Variants in SMURF2 observed in about 807,000 individuals in gnomAD.
SMURF2 encodes SMAD specific E3 ubiquitin protein ligase 2.
Under a neutral mutation model 109.6 loss-of-function variants are expected in SMURF2, and 48 were observed. The observed-to-expected ratio is 0.44, with a 90% CI of 0.35 to 0.56. SMURF2 has a LOEUF of 0.56. Among genes scored for constraint, SMURF2 ranks in the 20% least tolerant of loss-of-function variants. SMURF2 has a pLI of 0.01. For synonymous variants in SMURF2, 288 were observed against 317.1 expected (o/e 0.91, Z 0.97); for missense variants, 575 against 909.0 (o/e 0.63, Z 4.72).
At chr17:64,653,207 A>C (rs1479958959) in intron 1 of SMURF2, among the ~76,000 whole-genome samples, 1 of 152,184 alleles carries the variant, frequency 6.6e-6, no homozygotes, top group East Asian at 1.9e-4. Flanking sequence ...AAAACTCAAT[A>C]AGAAAACAAT....
chr17:64,604,955 A>G lies in SMURF2; in HGVS notation c.91+1647T>C, dbSNP rs543475146. Among the ~76,000 whole-genome samples, 6 of 151,794 alleles carry G rather than the reference A, an allele frequency of 4.0e-5. No homozygotes were observed. The East Asian group carries it at 1.2e-3, about 30-fold the overall frequency. ...TGAGACTCCGTCTAAAAAAAAAAAA[A>G]GGAAAAGTGCTCCCCTTACTTCCCT... On this transcript the variant is annotated intron_variant, in intron 2 of 18. Coordinates refer to ENST00000262435, the MANE Select transcript of SMURF2 (RefSeq NM_022739.4).
intron 16 of SMURF2, among the ~76,000 whole-genome samples, chr17:64,548,790 G>T (rs1337669944): frequency 6.6e-6 from 1 of 152,142 alleles, no homozygotes; most frequent in Non-Finnish European, 1.5e-5. Flanking sequence ...TCACACAGAT[G>T]AACTATATCC....
chr17:64,610,119 G>A (rs1312788585), intron 1 of SMURF2, among the ~76,000 whole-genome samples: 13 of 152,200 alleles, frequency 8.5e-5, no homozygotes, highest in African/African-American at 3.1e-4. Context: ...AGATGCTGGA[G>A]AGGATGTGGA....
chr17:64,558,762 T>G (rs910066124), intron 12 of SMURF2, among the ~76,000 whole-genome samples: 7 of 152,210 alleles, frequency 4.6e-5, no homozygotes, highest in Admixed American at 1.3e-4. Context: ...ACCTTCAAAT[T>G]TTTCAAAGTA....
At chr17:64,597,314 G>A (rs529201525) in intron 3 of SMURF2, among the ~76,000 whole-genome samples, 11 of 152,246 alleles carry the variant, frequency 7.2e-5, no homozygotes, top group African/African-American at 2.6e-4. Flanking sequence ...TGAGGAGGGT[G>A]AGGTGGGAGG....
In SMURF2 at chr17:64,546,355, TGTG is replaced by T. The variant is rs1251040790; in HGVS notation, c.2072-20_2072-18del. ...CTGCAGCACCTGCAAATGAAGGAAA[TGTG>T]GATGAAATCACTGCAGGTGCGTGCA... On this transcript the variant is annotated intron_variant, in intron 17 of 18. Transcript: ENST00000262435. 7 of 1,612,444 alleles carry T rather than the reference TGTG, an allele frequency of 4.3e-6. No individual in the cohort carries two copies. Among genetic ancestry groups the T allele is most frequent in the Admixed American group, 1.7e-5 (1 of 59,900 alleles).
chr17:64,639,263 C>A (rs782714478), intron 1 of SMURF2, among the ~76,000 whole-genome samples: 4 of 152,100 alleles, frequency 2.6e-5, no homozygotes, highest in Non-Finnish European at 4.4e-5. Context: ...CCCTCCCAGA[C>A]CCTCAGATTG....
rs781991004 is a variant in SMURF2 at position 64,557,738 on chromosome 17, T to C, written c.1317-16A>G. 4 of 1,487,066 alleles carry C rather than the reference T, an allele frequency of 2.7e-6. No individual in the cohort carries two copies. In the East Asian group the frequency reaches 6.8e-5, roughly 25 times the overall value. 92.1% of individuals were successfully genotyped at this position (1,487,066 alleles called of 1,614,324 possible). On this transcript the variant is annotated splice_polypyrimidine_tract_variant and intron_variant, in intron 12 of 18. Transcript: ENST00000262435. ...CAACCATTCCCTAGAAAACAAGATA[T>C]GACCAAGGAATTTTTTTGTTAATGT...
chr17:64,635,327 A>AAAATAAAT (rs557784291), intron 1 of SMURF2, among the ~76,000 whole-genome samples: 3 of 152,160 alleles, frequency 2.0e-5, no homozygotes, highest in African/African-American at 7.2e-5. Context: ...ACTAGGTCTC[A>AAAATAAAT]AAATAAATAA....
chr17:64,566,572 T>TG (rs1568176806), intron 10 of SMURF2, among the ~76,000 whole-genome samples: 15 of 94,050 alleles, frequency 1.6e-4, no homozygotes, highest in Admixed American at 4.5e-4. Context: ...TTTTTTTTTT[T>TG]TTTTTTTTTT....
Position 64,581,074 on chromosome 17 carries a change from TAAC to T in SMURF2, c.570-86_570-84del. The stretch of plus-strand genomic sequence containing the variant: ...TCTAGACAATATATATATACTGCAG[TAAC>T]AACCACTTATCATGTCTGAAAACAG... On this transcript the variant is annotated intron_variant, in intron 7 of 18. Transcript: ENST00000262435. This position sits in a 1 kb window ranked among gnomAD's most constrained non-coding sequence, Gnocchi z 4.3. The T allele has an allele frequency of 1.0e-6, 1 of 999,080 alleles. No homozygotes were observed. Among genetic ancestry groups the T allele is most frequent in the South Asian group, 1.4e-5 (1 of 71,702 alleles). The allele number at this position is 999,080 out of a possible 1,614,324, so 61.9% of individuals were successfully genotyped here.
At chr17:64,627,111 C>CTTT (rs1204553792) in intron 1 of SMURF2, among the ~76,000 whole-genome samples, 141 of 120,106 alleles carry the variant, frequency 1.2e-3, no homozygotes, top group African/African-American at 3.1e-3. Flanking sequence ...AGTTTTTTTC[C>CTTT]TTTTTTTTTT....
intron 1 of SMURF2, among the ~76,000 whole-genome samples, chr17:64,648,668 A>T (rs1352861615): frequency 1.3e-5 from 2 of 152,164 alleles, no homozygotes; most frequent in African/African-American, 4.8e-5. Context: ...GCTACTCAGG[A>T]GGCAGAGGCA....
intron 1 of SMURF2, chr17:64,660,830 T>G (rs1366909963): frequency 6.6e-6 from 1 of 152,064 alleles, no homozygotes; most frequent in African/African-American, 2.4e-5. Flanking sequence ...ACAAACCAAA[T>G]AAAAGTTCTC....
chr17:64,656,939 TACAGTA>T (rs1970714019), intron 1 of SMURF2, among the ~76,000 whole-genome samples: 1 of 152,144 alleles, frequency 6.6e-6, no homozygotes, highest in African/African-American at 2.4e-5. Flanking sequence ...CTTGGCAAAC[TACAGTA>T]AGGTCCAAAC....
Position 64,633,519 on chromosome 17 carries a change from T to C in SMURF2, c.53-26879A>G, listed in dbSNP as rs1175720791. On this transcript the variant is annotated intron_variant, in intron 1 of 18. Coordinates refer to ENST00000262435, the MANE Select transcript of SMURF2 (RefSeq NM_022739.4). ...AATAAATACATAAATCCCTTTACCA[T>C]ATATTTACAATACAATATAGTAAGA... Among the ~76,000 whole-genome samples the C allele has an allele frequency of 3.3e-5, 5 of 152,246 alleles. No homozygotes were observed. The East Asian group carries it at 7.7e-4, about 23-fold the overall frequency.
chr17:64,553,744 G>A (rs1969079086), intron 15 of SMURF2, among the ~76,000 whole-genome samples: 1 of 152,128 alleles, frequency 6.6e-6, no homozygotes, highest in African/African-American at 2.4e-5. Context: ...AGTTACATGT[G>A]TGTTTCTGCA....
At position 64,586,133 on chromosome 17, in the gene SMURF2, T is replaced by A. The variant is rs1969648842; in HGVS notation, c.438A>T (p.Gly146=). 6.2e-7 allele frequency: 1 copy of A among 1,610,650 alleles called. No homozygotes were observed. The highest frequency in any genetic ancestry group is 1.3e-5 in the African/African-American group (1 of 74,848). Residue 146 remains glycine, a synonymous_variant, in exon 6 of 19, where the codon GGA becomes GGT. Coordinates refer to ENST00000262435, the MANE Select transcript of SMURF2 (RefSeq NM_022739.4). ...ATAAACGACTGCAGTCCACAACTTG[T>A]CCTCCTGTGCCTATTCGGTCTCTGG... ...LQSRDRIGTG[G]QVVDCSRLFD... is the part of the protein sequence containing the mutation.
At chr17:64,582,101 T>C (rs1969586112) in intron 7 of SMURF2, among the ~76,000 whole-genome samples, 1 of 152,182 alleles carries the variant, frequency 6.6e-6, no homozygotes, top group Non-Finnish European at 1.5e-5. Flanking sequence ...AAGTACATAT[T>C]CATTTGTGCT....
Sources: allele counts gnomAD v4.1 joint callset (sites outside exome capture counted in the v4.1 genomes callset), GRCh38; gene constraint gnomAD v4.1.1; non-coding constraint Gnocchi (gnomAD v3.1); transcripts MANE v1.5; gene names NCBI Gene and HGNC (gene_info 2026-07-23, HGNC 2026-07-21).